The following ZNF76 variants were observed in gnomAD, a reference collection of about 807,000 sequenced individuals.
The protein encoded by ZNF76 is zinc finger protein 76.
ZNF76 carries 66 observed loss-of-function variants against 66.9 expected under a neutral mutation model. The ratio of observed to expected loss-of-function variants is 0.99; its 90% confidence interval spans 0.81 to 1.21. The LOEUF (loss-of-function observed/expected upper bound fraction) is 1.21, where lower values mean the gene tolerates loss of function less well. ZNF76 is among the 50% of genes most tolerant of loss of function. The pLI is 0.00. For missense variants in ZNF76, 729 were observed against 760.3 expected (o/e 0.96, Z 0.48); for synonymous variants, 275 against 296.1 (o/e 0.93, Z 0.73).
intron 1 of ZNF76, chr6:35,279,224 CT>C (rs2150357719): frequency 6.0e-6 from 1 of 166,788 alleles, no homozygotes. Context: ...TGTTCAATAG[CT>C]TTAGCAAGAT....
intron 13 of ZNF76, 117 bp from the exon 14 acceptor site, chr6:35,295,027 G>A (rs1484189141): frequency 1.4e-6 from 1 of 699,166 alleles, no homozygotes; most frequent in South Asian, 1.8e-5. Flanking sequence ...TGCTCAGCGT[G>A]TGGCACTGGG....
chr6:35,286,856 G>GT (rs1380801100), intron 4 of ZNF76: 3 of 206,886 alleles, frequency 1.5e-5, no homozygotes, highest in African/African-American at 6.9e-5. Context: ...AACAAAGTCA[G>GT]ACACAGTCCC....
chr6:35,293,055 T>C lies in ZNF76; in HGVS notation c.1329+11T>C. Reference sequence around the variant, plus strand: ...GATGGTGCCCAGCAGGTACAGGCCCTGGAGGGCAGAGGTGCCATACTAGCT... The same window carrying C: ...GATGGTGCCCAGCAGGTACAGGCCCCGGAGGGCAGAGGTGCCATACTAGCT... On this transcript the variant is annotated intron_variant, in intron 11 of 13. Transcript: ENST00000373953. 1 of 1,613,204 alleles carries C rather than the reference T, an allele frequency of 6.2e-7. No homozygotes were observed. The highest frequency in any genetic ancestry group is 8.5e-7 in the Non-Finnish European group (1 of 1,179,596).
intron 1 of ZNF76, among the ~76,000 whole-genome samples, chr6:35,266,216 G>A (rs1195104705): frequency 1.3e-5 from 2 of 151,536 alleles, no homozygotes; most frequent in Non-Finnish European, 2.9e-5. Context: ...GCAGTGGCGT[G>A]ATCTCAGCTC....
chr6:35,290,412 C>A (rs377683161), intron 6 of ZNF76, 30 bp downstream of exon 6: 3 of 1,610,264 alleles, frequency 1.9e-6, no homozygotes, highest in Non-Finnish European at 2.5e-6. Context: ...GCCGTCAGCT[C>A]TGCAGTCTTC....
Position 35,287,426 on chromosome 6 carries a change from C to T in ZNF76, c.233-220C>T, listed in dbSNP as rs1789721831. Among the ~76,000 whole-genome samples the T allele has an allele frequency of 6.6e-6, 1 of 152,076 alleles. No individual in the cohort carries two copies. Among genetic ancestry groups the T allele is most frequent in the Non-Finnish European group, 1.5e-5 (1 of 68,006 alleles). ...GGGCCCCTGTCAGGTCCTCAAGGAG[C>T]TTGTGAGTTCCCATTTAGTGTACCA... is the stretch of plus-strand genomic sequence containing the variant. On this transcript the variant is annotated intron_variant, in intron 4 of 13. Coordinates refer to ENST00000373953, the MANE Select transcript of ZNF76 (RefSeq NM_003427.5). This position sits in a 1 kb window ranked among gnomAD's most constrained non-coding sequence, Gnocchi z 4.0.
chr6:35,271,259 G>C (rs537806967), intron 1 of ZNF76, among the ~76,000 whole-genome samples: 88 of 152,180 alleles, frequency 5.8e-4, no homozygotes, highest in Non-Finnish European at 1.1e-3. Context: ...TTGTAATTTT[G>C]GTTGCTATTG....
In ZNF76 at chr6:35,287,933, C is replaced by T. The variant is rs1452304605; in HGVS notation, c.432+88C>T. 7.0e-7 allele frequency: 1 copy of T among 1,436,664 alleles called. No homozygotes were observed. The highest frequency in any genetic ancestry group is 2.5e-5 in the East Asian group (1 of 40,432). The allele number at this position is 1,436,664 out of a possible 1,614,324, so 89.0% of individuals were successfully genotyped here. A position where few individuals can be genotyped will look rare whatever the true frequency, so the allele number is the denominator to read the frequency against. On this transcript the variant is annotated intron_variant, in intron 5 of 13. Coordinates refer to ENST00000373953, the MANE Select transcript of ZNF76 (RefSeq NM_003427.5). The surrounding 1 kb of genome is among the most constrained non-coding windows in gnomAD (Gnocchi z 4.0). ...CCTCTTGGCCCTGCCAGAACTTCAC[C>T]TCTCAAGAGGACAAGGGCAGCCCTG...
intron 5 of ZNF76, among the ~76,000 whole-genome samples, chr6:35,289,161 C>T (rs1425812440): frequency 3.3e-5 from 5 of 152,066 alleles, no homozygotes; most frequent in African/African-American, 1.2e-4. Flanking sequence ...TCTCCTCGAC[C>T]TCAGCTTATT....
In ZNF76 at chr6:35,295,028, T is replaced by C. The variant is rs912159891; in HGVS notation, c.1609-116T>C. Reference sequence around the variant, plus strand: ...GGAGCCCTACTAAGTGCTCAGCGTGTGGCACTGGGTAGATGGGGGAGAGTC... The same window carrying C: ...GGAGCCCTACTAAGTGCTCAGCGTGCGGCACTGGGTAGATGGGGGAGAGTC... On this transcript the variant is annotated intron_variant, in intron 13 of 13. Transcript: ENST00000373953. The C allele has an allele frequency of 1.9e-5, 13 of 702,094 alleles. No individual in the cohort carries two copies. In the East Asian group the frequency reaches 3.5e-4, roughly 19 times the overall value. 43.5% of individuals were successfully genotyped at this position (702,094 alleles called of 1,614,324 possible).
intron 2 of ZNF76, among the ~76,000 whole-genome samples, chr6:35,282,219 G>A (rs1270656604): frequency 2.0e-5 from 3 of 152,018 alleles, no homozygotes; most frequent in Non-Finnish European, 4.4e-5. Flanking sequence ...TGCACCTGTA[G>A]TCTCAGCTAC....
Position 35,271,203 on chromosome 6 carries a change from AC to A in ZNF76, c.-96-9851del, listed in dbSNP as rs570275663. Among the ~76,000 whole-genome samples the A allele has an allele frequency of 7.2e-3, 1,089 of 152,296 alleles. 9 individuals carry two copies. The highest frequency in any genetic ancestry group is 0.015 in the African/African-American group (642 of 41,550). On this transcript the variant is annotated intron_variant, in intron 1 of 13. Coordinates refer to ENST00000373953, the MANE Select transcript of ZNF76 (RefSeq NM_003427.5). ...GTGCCATTTTCACGCATGTCCATCT[AC>A]CTGTAGACTAGATGTGAAATTGCTG...
intron 1 of ZNF76, among the ~76,000 whole-genome samples, chr6:35,263,748 TTTC>T (rs1210872724): frequency 1.3e-5 from 2 of 152,108 alleles, no homozygotes; most frequent in Non-Finnish European, 1.5e-5. Flanking sequence ...GAGACTAGGT[TTTC>T]TTTTTTCTTT....
At chr6:35,273,390 C>A (rs191764432) in intron 1 of ZNF76, among the ~76,000 whole-genome samples, 149 of 150,902 alleles carry the variant, frequency 9.9e-4, no homozygotes, top group Admixed American at 3.6e-3. Context: ...CCAGGGTGAT[C>A]TCGAACTCCT....
At chr6:35,291,843 GTGCC>G in intron 9 of ZNF76, 106 bp downstream of exon 9, 4 of 1,385,816 alleles carry the variant, frequency 2.9e-6, no homozygotes, top group Non-Finnish European at 3.0e-6. Context: ...GAACCCTTCT[GTGCC>G]AGCCATTCCA....
rs1226604012 is a variant in ZNF76, at chr6:35,292,869, C to G, written c.1166-12C>G. The stretch of plus-strand genomic sequence containing the variant: ...CTGGTAGCAGATGTCAGCCTTGGCT[C>G]TCCTCTCCCAGCCGCCTCTGCAGCC... On this transcript the variant is annotated splice_polypyrimidine_tract_variant and intron_variant, in intron 10 of 13. Transcript: ENST00000373953. The surrounding 1 kb of genome is among the most constrained non-coding windows in gnomAD (Gnocchi z 4.7). 3 of 1,614,054 alleles carry G rather than the reference C, an allele frequency of 1.9e-6. No individual in the cohort carries two copies. Among genetic ancestry groups the G allele is most frequent in the South Asian group, 1.1e-5 (1 of 91,074 alleles).
chr6:35,295,170 G>A lies in ZNF76; in HGVS notation c.1635G>A (p.Glu545=). ...TGGAGGAACAGCAGACCTTAGAGGA[G>A]GCCATCAATGTGGCCACTGCGGCCA... is the stretch of plus-strand genomic sequence containing the variant. The part of the protein sequence containing the change: ...VQLEEQQTLE[E]AINVATAAMQ... Residue 545 remains glutamate, a synonymous_variant, in exon 14 of 14, where the codon GAG becomes GAA. Coordinates refer to ENST00000373953, the MANE Select transcript of ZNF76 (RefSeq NM_003427.5). 1 of 1,612,676 alleles carries A rather than the reference G, an allele frequency of 6.2e-7. No homozygotes were observed. The highest frequency in any genetic ancestry group is 1.1e-5 in the South Asian group (1 of 90,618).
At position 35,292,723 on chromosome 6, in the gene ZNF76, C is replaced by T; in HGVS notation, c.1101C>T (p.Ala367=). Residue 367 remains alanine (A), a synonymous_variant, in exon 10 of 14, where the codon GCC becomes GCT. Transcript: ENST00000373953. The surrounding 1 kb of genome is among the most constrained non-coding windows in gnomAD (Gnocchi z 4.7). ...TSTLAMHKRS[A]HGELEATEES... is the part of the protein sequence containing the mutation. ...CCTTGGCCATGCACAAGCGCAGTGC[C>T]CACGGCGAGCTGGAGGCCACGGAGG... The T allele has an allele frequency of 3.1e-6, 5 of 1,614,142 alleles. No homozygotes were observed. The highest frequency in any genetic ancestry group is 4.2e-6 in the Non-Finnish European group (5 of 1,180,006).
In ZNF76 at chr6:35,292,489, CT is replaced by C. The variant is rs111486721; in HGVS notation, c.932-64del. On this transcript the variant is annotated intron_variant, in intron 9 of 13. Transcript: ENST00000373953. This position sits in a 1 kb window ranked among gnomAD's most constrained non-coding sequence, Gnocchi z 4.7. ...CCTTCACCAACCCTGTCCCTCACCC[CT>C]GTCCCCTTAGTTTCCCCCTTGCCAG... 69,123 of 1,574,524 alleles carry C rather than the reference CT, an allele frequency of 0.044. 4,345 individuals carry two copies. The highest frequency in any genetic ancestry group is 0.3 in the African/African-American group (21,844 of 73,648).
Sources: allele counts gnomAD v4.1 joint callset (sites outside exome capture counted in the v4.1 genomes callset), GRCh38; gene constraint gnomAD v4.1.1; non-coding constraint Gnocchi (gnomAD v3.1); transcripts MANE v1.5; gene names NCBI Gene and HGNC (gene_info 2026-07-23, HGNC 2026-07-21).